SASH1: variants seen among roughly 807,000 people sequenced by gnomAD.
The protein encoded by SASH1 is SAM and SH3 domain containing 1, also known as SAM and SH3 domain-containing protein 1.
Under a neutral mutation model 125.2 loss-of-function variants are expected in SASH1, and 44 were observed. The ratio of observed to expected loss-of-function variants is 0.35; its 90% CI spans 0.28 to 0.45. The LOEUF is 0.45. Ranked by LOEUF, SASH1 falls within the 20% of genes least tolerant of loss-of-function variation. The pLI is 1.00. For missense variants in SASH1, 1,426 were observed against 1,614.5 expected (o/e 0.88, Z 2.00); for synonymous variants, 639 against 649.1 (o/e 0.98, Z 0.24).
intron 2 of SASH1, among the ~76,000 whole-genome samples, chr6:148,392,082 C>T (rs961699647): frequency 5.9e-5 from 9 of 152,026 alleles, no homozygotes; most frequent in African/African-American, 1.2e-4. Flanking sequence ...GTCGGGAGTT[C>T]GAGACCAGCC....
Position 148,519,508 on chromosome 6 carries a change from A to T in SASH1, c.863-39A>T. On this transcript the variant is annotated intron_variant, in intron 9 of 19. Transcript: ENST00000367467. This position sits in a 1 kb window ranked among gnomAD's most constrained non-coding sequence, Gnocchi z 4.8. ...AAAGAAAGATGTATGCAAGAATGCAAAGGTGTGTTCACAAGAGACTCTGTT... is the reference window on the plus strand; with the variant it reads ...AAAGAAAGATGTATGCAAGAATGCATAGGTGTGTTCACAAGAGACTCTGTT... The T allele has an allele frequency of 6.8e-7, 1 of 1,471,962 alleles. No individual in the cohort carries two copies. 91.2% of individuals were successfully genotyped at this position (1,471,962 alleles called of 1,614,324 possible).
chr6:148,410,098 C>A (rs1784558207), intron 2 of SASH1, among the ~76,000 whole-genome samples: 1 of 127,384 alleles, frequency 7.9e-6, no homozygotes, highest in South Asian at 2.5e-4. Context: ...CCAGAGCAGT[C>A]CTTTTTTTTT....
At chr6:148,349,991 G>A (rs375381577) in intron 1 of SASH1, among the ~76,000 whole-genome samples, 7 of 151,984 alleles carry the variant, frequency 4.6e-5, no homozygotes, top group East Asian at 2.0e-4. Flanking sequence ...GACTACAGGC[G>A]CCTGCCACCA....
At chr6:148,232,550 T>A in the SASH1 span, among the ~76,000 whole-genome samples, 1 of 152,124 alleles carries the variant, frequency 6.6e-6, no homozygotes, top group Non-Finnish European at 1.5e-5. Context: ...TGTTGTCGGG[T>A]ATGTTAAATT....
chr6:148,472,731 A>G (rs1444480008), intron 6 of SASH1, among the ~76,000 whole-genome samples: 2 of 152,226 alleles, frequency 1.3e-5, no homozygotes, highest in Non-Finnish European at 2.9e-5. Context: ...CAAAATGGAA[A>G]TTAGATGGAA....
chr6:148,394,855 G>C (rs1366679077), intron 2 of SASH1, among the ~76,000 whole-genome samples: 3 of 152,116 alleles, frequency 2.0e-5, no homozygotes, highest in Non-Finnish European at 4.4e-5. Context: ...TGTTGGTCAG[G>C]CTGGTCTCAA....
the SASH1 span, among the ~76,000 whole-genome samples, chr6:148,248,834 G>A: frequency 3.3e-5 from 5 of 152,250 alleles, no homozygotes; most frequent in Non-Finnish European, 7.3e-5. Context: ...ACTGTGAAGT[G>A]TTGGTAGAAC....
At chr6:148,282,957 A>G (rs1779382492) in intron 1 of SASH1, among the ~76,000 whole-genome samples, 1 of 152,128 alleles carries the variant, frequency 6.6e-6, no homozygotes, top group African/African-American at 2.4e-5. Flanking sequence ...AGACACACCT[A>G]AAGATGTATC....
chr6:148,462,168 A>G (rs1454934278), intron 4 of SASH1, among the ~76,000 whole-genome samples: 7 of 152,242 alleles, frequency 4.6e-5, no homozygotes, highest in Admixed American at 1.3e-4. Flanking sequence ...CTAATGGAGA[A>G]GTTGATTTCC....
At chr6:148,334,985 A>G (rs1319966784) in intron 1 of SASH1, among the ~76,000 whole-genome samples, 5 of 149,324 alleles carry the variant, frequency 3.3e-5, no homozygotes, top group African/African-American at 4.9e-5. Context: ...AAAAAAAAAA[A>G]AAAAGAAAAG....
chr6:148,362,671 A>C (rs1782284277), intron 1 of SASH1, among the ~76,000 whole-genome samples: 1 of 151,722 alleles, frequency 6.6e-6, no homozygotes, highest in African/African-American at 2.4e-5. Context: ...TAACATAGTG[A>C]GACCCCTTCT....
chr6:148,288,794 A>G (rs1167669421), intron 1 of SASH1, among the ~76,000 whole-genome samples: 1 of 152,154 alleles, frequency 6.6e-6, no homozygotes, highest in East Asian at 1.9e-4. Flanking sequence ...GGTTCTCAGC[A>G]GCTAGCCCCG....
At chr6:148,209,195 A>G in the SASH1 span, among the ~76,000 whole-genome samples, 1 of 152,266 alleles carries the variant, frequency 6.6e-6, no homozygotes, top group African/African-American at 2.4e-5. Flanking sequence ...ATCTGATGCC[A>G]GATGATTCAA....
At chr6:148,537,087 G>A (rs1781890885) in intron 16 of SASH1, among the ~76,000 whole-genome samples, 1 of 152,220 alleles carries the variant, frequency 6.6e-6, no homozygotes, top group African/African-American at 2.4e-5. Context: ...TGGCTAAGAA[G>A]TAGTGCCTCT....
chr6:148,383,446 GA>G (rs1281569845), intron 1 of SASH1, among the ~76,000 whole-genome samples: 7 of 152,090 alleles, frequency 4.6e-5, no homozygotes, highest in Non-Finnish European at 1.5e-5. Context: ...AAAAGGTAAA[GA>G]AACAATAAAG....
intron 17 of SASH1, among the ~76,000 whole-genome samples, chr6:148,541,366 G>C (rs1258503521): frequency 6.6e-6 from 1 of 151,780 alleles, no homozygotes; most frequent in East Asian, 1.9e-4. Context: ...TACTTTATTA[G>C]TAGGTCATGA....
At chr6:148,292,186 G>A (rs1779652592) in intron 1 of SASH1, among the ~76,000 whole-genome samples, 1 of 152,146 alleles carries the variant, frequency 6.6e-6, no homozygotes, top group Admixed American at 6.5e-5. Flanking sequence ...TCATGCAGCT[G>A]GGAGAAATAG....
chr6:148,537,439 A>G (rs963573208), intron 16 of SASH1, among the ~76,000 whole-genome samples: 1 of 152,252 alleles, frequency 6.6e-6, no homozygotes, highest in Non-Finnish European at 1.5e-5. Flanking sequence ...GGTAAAATAC[A>G]GATAATCTAA....
chr6:148,256,797 G>T, the SASH1 span, among the ~76,000 whole-genome samples: 1 of 152,148 alleles, frequency 6.6e-6, no homozygotes, highest in South Asian at 2.1e-4. Context: ...TTATACTTAA[G>T]AGGGTGAATT....
Sources: gnomAD v4.1 joint callset for allele counts (sites outside exome capture counted in the v4.1 genomes callset) on GRCh38, gnomAD v4.1.1 for gene constraint, Gnocchi (gnomAD v3.1) non-coding constraint, MANE v1.5 for transcripts, NCBI Gene and HGNC (gene_info 2026-07-23, HGNC 2026-07-21) for gene names.